The following ENOX1 variants were observed in gnomAD, a reference collection of about 807,000 sequenced individuals.
The protein encoded by ENOX1 is ecto-NOX disulfide-thiol exchanger 1, also known as candidate growth-related and time keeping constitutive hydroquinone (NADH) oxidase.
A neutral mutation model predicts 82.5 loss-of-function variants in ENOX1; 42 were observed. That is an observed-to-expected ratio of 0.51 (90% CI 0.40 to 0.66). The LOEUF (loss-of-function observed/expected upper bound fraction) is 0.66, where lower values mean the gene tolerates loss of function less well. Ranked by LOEUF, ENOX1 falls within the 30% of genes least tolerant of loss-of-function variation. The probability of loss-of-function intolerance (pLI) is 0.00; values close to 1 mark genes in which losing one functional copy is unlikely to be tolerated. For synonymous variants in ENOX1, 271 were observed against 282.2 expected, an observed-to-expected ratio of 0.96 and a Z score of 0.40; for missense variants, 608 against 811.6, an observed-to-expected ratio of 0.75 and a Z score of 3.05.
intron 2 of ENOX1, among the ~76,000 whole-genome samples, chr13:43,561,411 G>C (rs1231299383): frequency 6.6e-6 from 1 of 152,108 alleles, no homozygotes; most frequent in Non-Finnish European, 1.5e-5. Flanking sequence ...TAACCTCTCA[G>C]AGCCTCAGAT....
chr13:43,489,642 G>A (rs1156830698), intron 2 of ENOX1, among the ~76,000 whole-genome samples: 1 of 152,162 alleles, frequency 6.6e-6, no homozygotes, highest in African/African-American at 2.4e-5. Context: ...TTATTGTAGA[G>A]CCACAGCATG....
chr13:43,290,290 T>C (rs988278757), intron 12 of ENOX1, among the ~76,000 whole-genome samples: 9 of 152,122 alleles, frequency 5.9e-5, no homozygotes, highest in African/African-American at 1.9e-4. Context: ...TTCATTGCTA[T>C]GCTATTCACA....
intron 12 of ENOX1, among the ~76,000 whole-genome samples, chr13:43,277,777 C>G (rs1354549072): frequency 1.3e-5 from 2 of 152,120 alleles, no homozygotes; most frequent in Non-Finnish European, 2.9e-5. Context: ...GCCTGGAATG[C>G]AGTGGGATTT....
rs148239408 is a variant in ENOX1 at position 43,452,012 on chromosome 13, G to A, written c.-75+31997C>T. The stretch of plus-strand genomic sequence containing the variant: ...TTAAGGAAGGCCTCATTGGAAAGGT[G>A]ACAGTTGAGTAGAGACCTGAAGGAG... On this transcript the variant is annotated intron_variant, in intron 3 of 16. Coordinates refer to ENST00000690772, the MANE Select transcript of ENOX1 (RefSeq NM_001347969.2). Among the ~76,000 whole-genome samples, 212 of 152,322 alleles carry A rather than the reference G, an allele frequency of 1.4e-3. 2 individuals carry two copies. The highest frequency in any genetic ancestry group is 5.0e-3 in the African/African-American group (206 of 41,560).
intron 5 of ENOX1, among the ~76,000 whole-genome samples, chr13:43,378,061 G>A (rs1336901966): frequency 6.6e-6 from 1 of 152,200 alleles, no homozygotes; most frequent in African/African-American, 2.4e-5. Flanking sequence ...GGCAAGGAGA[G>A]AGTAACAGTG....
At chr13:43,554,911 T>C (rs758482693) in intron 2 of ENOX1, among the ~76,000 whole-genome samples, 15 of 152,186 alleles carry the variant, frequency 9.9e-5, no homozygotes, top group South Asian at 2.1e-4. Flanking sequence ...TAGCCCAATA[T>C]TCTCTTAAAC....
chr13:43,707,629 A>T (rs1365056142), intron 1 of ENOX1, among the ~76,000 whole-genome samples: 10 of 146,074 alleles, frequency 6.8e-5, no homozygotes, highest in African/African-American at 2.0e-4. Flanking sequence ...GCTACTCGGG[A>T]GGCTGAGGCA....
intron 11 of ENOX1, among the ~76,000 whole-genome samples, chr13:43,320,030 G>C (rs1342021131): frequency 6.6e-6 from 1 of 152,202 alleles, no homozygotes; most frequent in Non-Finnish European, 1.5e-5. Context: ...GCAACAGTTA[G>C]CAGGGATTTG....
At chr13:43,681,432 C>T (rs887051240) in intron 1 of ENOX1, among the ~76,000 whole-genome samples, 1 of 152,090 alleles carries the variant, frequency 6.6e-6, no homozygotes, top group Non-Finnish European at 1.5e-5. Flanking sequence ...TACCCAAAAG[C>T]AATATGGCTA....
chr13:43,308,670 C>A (rs1466405224), intron 11 of ENOX1, among the ~76,000 whole-genome samples: 1 of 152,210 alleles, frequency 6.6e-6, no homozygotes, highest in Non-Finnish European at 1.5e-5. Flanking sequence ...CAGCGAATCA[C>A]CTGGGGACTG....
intron 2 of ENOX1, among the ~76,000 whole-genome samples, chr13:43,577,339 C>T (rs1352835783): frequency 2.0e-5 from 3 of 152,068 alleles, no homozygotes; most frequent in Admixed American, 2.0e-4. Flanking sequence ...GCCATGTTGG[C>T]CAGGCTGATC....
intron 2 of ENOX1, among the ~76,000 whole-genome samples, chr13:43,599,561 C>T (rs2081613305): frequency 6.6e-6 from 1 of 151,978 alleles, no homozygotes; most frequent in Non-Finnish European, 1.5e-5. Flanking sequence ...GACTAAAGTG[C>T]TCTACAGATC....
At chr13:43,716,011 T>G (rs927661702) in intron 1 of ENOX1, among the ~76,000 whole-genome samples, 5 of 152,254 alleles carry the variant, frequency 3.3e-5, no homozygotes, top group African/African-American at 1.2e-4. Flanking sequence ...AATTTCCTCC[T>G]GTAGCTCGGA....
At chr13:43,715,778 A>C (rs1245238035) in intron 1 of ENOX1, among the ~76,000 whole-genome samples, 1 of 152,174 alleles carries the variant, frequency 6.6e-6, no homozygotes, top group South Asian at 2.1e-4. Flanking sequence ...AGGCTTCTGC[A>C]TTCTTCACGT....
chr13:43,247,870 TA>T (rs61201315), intron 14 of ENOX1, among the ~76,000 whole-genome samples: 4 of 2,450 alleles, frequency 1.6e-3, no homozygotes, highest in African/African-American at 2.4e-3. Flanking sequence ...TATATATATA[TA>T]TATATATATA....
intron 15 of ENOX1, among the ~76,000 whole-genome samples, chr13:43,224,444 T>C (rs2041935324): frequency 1.3e-5 from 2 of 152,344 alleles, no homozygotes; most frequent in South Asian, 4.1e-4. Flanking sequence ...AATTTTATGC[T>C]TGATTTACCA....
At chr13:43,521,189 GT>G (rs1223805914) in intron 2 of ENOX1, among the ~76,000 whole-genome samples, 2 of 151,876 alleles carry the variant, frequency 1.3e-5, no homozygotes, top group Non-Finnish European at 2.9e-5. Context: ...CTAGAAACAG[GT>G]TTTTTTCTAT....
In ENOX1 at chr13:43,316,720, C is replaced by T. The variant is rs564808558; in HGVS notation, c.1261+5664G>A. 1.4e-3 allele frequency among the ~76,000 whole-genome samples: 213 copies of T among 151,318 alleles called. 4 individuals carry two copies. The South Asian group carries it at 0.033, about 23-fold the overall frequency. On this transcript the variant is annotated intron_variant, in intron 11 of 16. Transcript: ENST00000690772. ...CATGAAATTAGGGAACTTAAAAATC[C>T]ACCCAAAATAAATATTTATTTGAAT...
intron 1 of ENOX1, among the ~76,000 whole-genome samples, chr13:43,679,517 A>T (rs1354460340): frequency 6.6e-6 from 1 of 152,228 alleles, no homozygotes; most frequent in Non-Finnish European, 1.5e-5. Context: ...CTGAGTAAAC[A>T]GTATGTAACT....
Sources: allele counts gnomAD v4.1 joint callset (sites outside exome capture counted in the v4.1 genomes callset), GRCh38; gene constraint gnomAD v4.1.1; transcripts MANE v1.5; gene names NCBI Gene and HGNC (gene_info 2026-07-23, HGNC 2026-07-21).